The following PTPRD variants were observed in gnomAD, a reference collection of about 807,000 sequenced individuals.
PTPRD encodes protein tyrosine phosphatase receptor type D, also known as receptor-type tyrosine-protein phosphatase delta.
In PTPRD, 34 loss-of-function variants were observed where a neutral mutation model predicts 214.5. The ratio of observed to expected loss-of-function variants is 0.16; its 90% confidence interval spans 0.12 to 0.21. The LOEUF (loss-of-function observed/expected upper bound fraction) is 0.21. PTPRD is among the 10% of genes least tolerant of loss of function. The pLI is 1.00. For missense variants in PTPRD, 2,545 were observed against 2,398.7 expected (o/e 1.06, Z -1.27); for synonymous variants, 1,128 against 845.7 (o/e 1.33, Z -5.79).
At chr9:10,038,143 G>A (rs1312675195) in intron 3 of PTPRD, among the ~76,000 whole-genome samples, 2 of 152,030 alleles carry the variant, frequency 1.3e-5, no homozygotes, top group African/African-American at 4.8e-5. Context: ...TGATTTCCAT[G>A]ATGCTACTTT....
intron 26 of PTPRD, among the ~76,000 whole-genome samples, chr9:8,495,394 C>A (rs946721401): frequency 1.8e-4 from 28 of 152,182 alleles, no homozygotes; most frequent in Non-Finnish European, 3.7e-4. Context: ...ACTGCCTCAA[C>A]TCTGTTGCAT....
chr9:10,174,369 C>G (rs1404912439), intron 3 of PTPRD, among the ~76,000 whole-genome samples: 1 of 152,088 alleles, frequency 6.6e-6, no homozygotes, highest in Admixed American at 6.6e-5. Context: ...TCCTCTCTCA[C>G]CAAGTGACCT....
chr9:10,538,631 C>T (rs1391241505), intron 2 of PTPRD, among the ~76,000 whole-genome samples: 1 of 151,980 alleles, frequency 6.6e-6, no homozygotes, highest in Non-Finnish European at 1.5e-5. Flanking sequence ...CTCTCATCTC[C>T]CTTGCATTTT....
chr9:9,470,840 T>C (rs375497079), intron 8 of PTPRD, among the ~76,000 whole-genome samples: 1 of 152,166 alleles, frequency 6.6e-6, no homozygotes, highest in African/African-American at 2.4e-5. Context: ...ACTTATTAAG[T>C]TCATATGGGG....
At chr9:8,382,145 A>C (rs2085299743) in intron 37 of PTPRD, among the ~76,000 whole-genome samples, 1 of 152,206 alleles carries the variant, frequency 6.6e-6, no homozygotes, top group African/African-American at 2.4e-5. Flanking sequence ...TAAAAATATA[A>C]TTTATAGGTA....
At chr9:9,683,557 C>T (rs548544486) in intron 7 of PTPRD, among the ~76,000 whole-genome samples, 42 of 151,754 alleles carry the variant, frequency 2.8e-4, no homozygotes, top group African/African-American at 9.2e-4. Context: ...AGCATAACAT[C>T]CCTAGTTTGC....
intron 11 of PTPRD, among the ~76,000 whole-genome samples, chr9:8,776,386 T>A (rs2095475124): frequency 6.6e-6 from 1 of 152,178 alleles, no homozygotes; most frequent in African/African-American, 2.4e-5. Context: ...CACTGCAGTA[T>A]TGATCTTCCA....
Position 8,503,756 on chromosome 9 carries a change from G to A in PTPRD, c.1822+505C>T, listed in dbSNP as rs192827800. Among the ~76,000 whole-genome samples the A allele has an allele frequency of 1.9e-3, 283 of 152,276 alleles. 2 individuals are homozygous for A. The highest frequency in any genetic ancestry group is 6.8e-3 in the African/African-American group (281 of 41,564). On this transcript the variant is annotated intron_variant, in intron 23 of 45. Coordinates refer to ENST00000381196, the MANE Select transcript of PTPRD (RefSeq NM_002839.4). ...CAAATTTCCACAGGTACTACACACAGAGTTAATAAGAAACAAGTCATCAGA... is the reference window on the plus strand; with the variant it reads ...CAAATTTCCACAGGTACTACACACAAAGTTAATAAGAAACAAGTCATCAGA...
intron 8 of PTPRD, among the ~76,000 whole-genome samples, chr9:9,557,267 T>C (rs543805715): frequency 2.6e-5 from 4 of 152,256 alleles, no homozygotes; most frequent in African/African-American, 7.2e-5. Context: ...TGTAGCCTCC[T>C]ACCTTTGGAA....
intron 10 of PTPRD, among the ~76,000 whole-genome samples, chr9:9,143,751 CAG>C (rs1281365347): frequency 6.6e-6 from 1 of 152,192 alleles, no homozygotes; most frequent in Non-Finnish European, 1.5e-5. Flanking sequence ...CATCCATCCT[CAG>C]AGAGAGGAAG....
intron 14 of PTPRD, among the ~76,000 whole-genome samples, chr9:8,558,725 T>A (rs1385635143): frequency 3.9e-5 from 6 of 152,206 alleles, no homozygotes; most frequent in Non-Finnish European, 7.3e-5. Context: ...CCATTTAGTT[T>A]ATGGTGAGTG....
At chr9:9,978,003 A>G (rs949570636) in intron 4 of PTPRD, among the ~76,000 whole-genome samples, 2 of 152,274 alleles carry the variant, frequency 1.3e-5, no homozygotes, top group East Asian at 3.9e-4. Context: ...TTCCAATCAA[A>G]CAATGAAAAA....
intron 5 of PTPRD, among the ~76,000 whole-genome samples, chr9:9,839,393 T>C (rs1404763615): frequency 1.3e-5 from 2 of 152,130 alleles, no homozygotes; most frequent in Non-Finnish European, 2.9e-5. Context: ...TCACAAGCAT[T>C]CTTACACACC....
intron 11 of PTPRD, among the ~76,000 whole-genome samples, chr9:8,947,029 C>CTTTTTTTTTTTTTTT (rs71317390): frequency 8.3e-6 from 1 of 121,006 alleles, no homozygotes; most frequent in African/African-American, 3.1e-5. Flanking sequence ...TTTTTCTTTT[C>CTTTTTTTTTTTTTTT]TTTTTTTTTT....
chr9:9,939,557 C>G (rs1414484199), intron 4 of PTPRD, among the ~76,000 whole-genome samples: 5 of 152,114 alleles, frequency 3.3e-5, no homozygotes, highest in African/African-American at 4.8e-5. Flanking sequence ...GTCAATAAAA[C>G]CTATTTCTTG....
At chr9:8,494,039 C>G (rs12236987) in intron 26 of PTPRD, among the ~76,000 whole-genome samples, 16,569 of 150,336 alleles carry the variant, frequency 0.11, 1,230 homozygotes, top group East Asian at 0.35. Flanking sequence ...CACACACACA[C>G]AGCAATATAA....
intron 4 of PTPRD, among the ~76,000 whole-genome samples, chr9:9,999,924 C>T (rs993023696): frequency 6.6e-6 from 1 of 151,946 alleles, no homozygotes; most frequent in Non-Finnish European, 1.5e-5. Context: ...AGGAAATGAC[C>T]GGTTGTTTAG....
At chr9:9,485,925 G>A (rs553879943) in intron 8 of PTPRD, among the ~76,000 whole-genome samples, 1 of 152,146 alleles carries the variant, frequency 6.6e-6, no homozygotes, top group Non-Finnish European at 1.5e-5. Context: ...GGCCAAGGCA[G>A]GTGGATCATG....
chr9:10,008,811 T>A (rs1052786722), intron 4 of PTPRD, among the ~76,000 whole-genome samples: 1 of 151,978 alleles, frequency 6.6e-6, no homozygotes, highest in African/African-American at 2.4e-5. Flanking sequence ...AATCAGTAAT[T>A]CTCTATAACA....
Sources: gnomAD v4.1 joint callset for allele counts (sites outside exome capture counted in the v4.1 genomes callset) on GRCh38, gnomAD v4.1.1 for gene constraint, MANE v1.5 for transcripts, NCBI Gene and HGNC (gene_info 2026-07-23, HGNC 2026-07-21) for gene names.